The following EPC1 variants were observed in gnomAD, a reference collection of about 807,000 sequenced individuals.
EPC1 encodes the protein enhancer of polycomb 1, also known as enhancer of polycomb homolog 1.
In EPC1, 12 loss-of-function variants were observed where a neutral mutation model predicts 98.4. The observed-to-expected ratio is 0.12, with a 90% CI of 0.08 to 0.20. The LOEUF (loss-of-function observed/expected upper bound fraction) is 0.20. Among genes scored for constraint, EPC1 ranks in the 10% least tolerant of loss-of-function variants. The pLI is 1.00. For synonymous variants in EPC1, 357 were observed against 363.9 expected (o/e 0.98, Z 0.21); for missense variants, 729 against 990.5 (o/e 0.74, Z 3.54).
chr10:32,361,674 G>A (rs979642546), intron 1 of EPC1, among the ~76,000 whole-genome samples: 4 of 152,178 alleles, frequency 2.6e-5, no homozygotes, highest in African/African-American at 7.2e-5. Flanking sequence ...GCTTCAGAGC[G>A]AAACTCTCAC....
upstream of EPC1, among the ~76,000 whole-genome samples, chr10:32,350,319 G>T (rs1201760546): frequency 1.3e-5 from 2 of 152,224 alleles, no homozygotes; most frequent in East Asian, 3.8e-4. Flanking sequence ...TGCCCAAGTG[G>T]CAAGGCAGTA....
At chr10:32,318,639 G>A (rs886639401) in intron 1 of EPC1, among the ~76,000 whole-genome samples, 3 of 152,136 alleles carry the variant, frequency 2.0e-5, no homozygotes, top group African/African-American at 4.8e-5. Flanking sequence ...ACCTACGTCA[G>A]CAAGTTTCAC....
At chr10:32,326,870 C>T (rs1235985619) in intron 1 of EPC1, among the ~76,000 whole-genome samples, 3 of 151,836 alleles carry the variant, frequency 2.0e-5, no homozygotes, top group South Asian at 2.1e-4. Flanking sequence ...CAAGTGAGAA[C>T]GTCTATTAGA....
intron 4 of EPC1, 54 bp from the exon 5 acceptor site, chr10:32,292,698 A>G: frequency 6.6e-7 from 1 of 1,522,866 alleles, no homozygotes; most frequent in Admixed American, 2.1e-5. Flanking sequence ...AACTAGTGGT[A>G]TAGTTATTGA....
intron 1 of EPC1, among the ~76,000 whole-genome samples, chr10:32,360,908 A>AG (rs1554825819): frequency 2.6e-5 from 4 of 151,020 alleles, no homozygotes; most frequent in African/African-American, 9.8e-5. Flanking sequence ...AAAAAAAAAA[A>AG]GTATAGACAA....
chr10:32,305,778 T>G lies in EPC1; in HGVS notation c.307A>C (p.Ile103Leu). The G allele has an allele frequency of 6.3e-7, 1 of 1,599,002 alleles. No homozygotes were observed. The highest frequency in any genetic ancestry group is 8.5e-7 in the Non-Finnish European group (1 of 1,175,274). ...TAAGAGAATCATTACTTACGCTGTA[T>G]GTGAATGAGCTGCTTTGGCATCTTA... Reference protein sequence around the residue: ...EFKMPKQLIHIQPFSLDAEQP... With the variant: ...EFKMPKQLIHLQPFSLDAEQP... The change falls in exon 2 of 14, where the codon ATA becomes CTA. Residue 103 changes from isoleucine (I) to leucine (L), a missense_variant. Coordinates refer to ENST00000319778, the MANE Select transcript of EPC1 (RefSeq NM_001272004.3).
intron 1 of EPC1, among the ~76,000 whole-genome samples, chr10:32,344,340 C>T (rs918500530): frequency 6.6e-6 from 1 of 152,040 alleles, no homozygotes; most frequent in Non-Finnish European, 1.5e-5. Context: ...GAGGTCTATG[C>T]TTCTCTCCTC....
chr10:32,342,906 A>G lies in EPC1; in HGVS notation c.153+3857T>C, dbSNP rs146812968. Among the ~76,000 whole-genome samples the G allele has an allele frequency of 1.4e-4, 21 of 152,368 alleles. 1 individual carries two copies. In the East Asian group the frequency reaches 3.7e-3, roughly 27 times the overall value. ...CAATTTTAATCAAGAGTCAATTTTA[A>G]TAAAAAGATTTGATAGTATTAATCC... On this transcript the variant is annotated intron_variant, in intron 1 of 13. Coordinates refer to ENST00000319778, the MANE Select transcript of EPC1 (RefSeq NM_001272004.3).
In EPC1 at chr10:32,305,886, C is replaced by T; in HGVS notation, c.199G>A (p.Glu67Lys). 1 of 1,611,820 alleles carries T rather than the reference C, an allele frequency of 6.2e-7. No individual in the cohort carries two copies. ...RAISAQQVYG[E>K]KRDNMVIPVP... ...GGTATAACCATATTATCCCTCTTCT[C>T]GCCATACACCTGCTGTGCTGAAATA... Residue 67 changes from glutamate to lysine, a missense_variant, in exon 2 of 14, where the codon GAG becomes AAG. Physicochemically the swap from Glu to Lys is moderately conservative, Grantham distance 56. This residue lies in a region of EPC1 where 46 missense variants were observed against 119.7 expected (regional missense o/e 0.38). Coordinates refer to ENST00000319778, the MANE Select transcript of EPC1 (RefSeq NM_001272004.3).
chr10:32,300,315 T>C (rs1030753795), intron 2 of EPC1, among the ~76,000 whole-genome samples: 13 of 152,124 alleles, frequency 8.5e-5, no homozygotes, highest in Non-Finnish European at 1.9e-4. Flanking sequence ...TACATATGTA[T>C]ACATGTGCCA....
At chr10:32,376,418 C>T (rs1335359344) in intron 1 of EPC1, among the ~76,000 whole-genome samples, 1 of 152,018 alleles carries the variant, frequency 6.6e-6, no homozygotes, top group Non-Finnish European at 1.5e-5. Flanking sequence ...GAACTAAACT[C>T]TCCAGCATAA....
At chr10:32,271,211 G>A (rs1381649127) in intron 13 of EPC1, among the ~76,000 whole-genome samples, 5 of 151,968 alleles carry the variant, frequency 3.3e-5, no homozygotes, top group South Asian at 2.1e-4. Flanking sequence ...GGCTGTTCTC[G>A]AACTCCTGAC....
chr10:32,374,007 C>T (rs545753832), intron 1 of EPC1, among the ~76,000 whole-genome samples: 2 of 152,252 alleles, frequency 1.3e-5, no homozygotes, highest in African/African-American at 4.8e-5. Context: ...AACTTTATTC[C>T]TGAGATCATC....
intron 1 of EPC1, among the ~76,000 whole-genome samples, chr10:32,374,011 G>T (rs1839820684): frequency 6.6e-6 from 1 of 152,050 alleles, no homozygotes; most frequent in African/African-American, 2.4e-5. Flanking sequence ...TTATTCCTGA[G>T]ATCATCTTAA....
rs139249720 is a variant in EPC1, at chr10:32,341,819, A to T, written c.153+4944T>A. 6.6e-3 allele frequency among the ~76,000 whole-genome samples: 1,006 copies of T among 152,228 alleles called. 10 individuals carry two copies. Among genetic ancestry groups the T allele is most frequent in the Non-Finnish European group, 0.011 (764 of 68,012 alleles). ...GCCAAACTGAGATAAAACCAAAATGACTCAGTTTGAAATTTATGGAACAGC... is the reference window on the plus strand; with the variant it reads ...GCCAAACTGAGATAAAACCAAAATGTCTCAGTTTGAAATTTATGGAACAGC... On this transcript the variant is annotated intron_variant, in intron 1 of 13. Transcript: ENST00000319778.
intron 2 of EPC1, among the ~76,000 whole-genome samples, chr10:32,294,764 A>G (rs1232912517): frequency 2.0e-5 from 3 of 152,172 alleles, no homozygotes; most frequent in African/African-American, 7.2e-5. Flanking sequence ...TTTGTCTCAC[A>G]TCTTTCCCTT....
In EPC1 at chr10:32,290,505, A is replaced by AAAAAGAAAGAAAGAAAG. The variant is rs1554819136; in HGVS notation, c.975+657_975+658insCTTTCTTTCTTTCTTTT. ...TGTCAAAAAAAAAAAAAAAAAAAAA[A>AAAAAGAAAGAAAGAAAG]AAAGAAAGAAAGAAAAACTCATCTG... is the stretch of plus-strand genomic sequence containing the variant. On this transcript the variant is annotated intron_variant, in intron 6 of 13. Coordinates refer to ENST00000319778, the MANE Select transcript of EPC1 (RefSeq NM_001272004.3). 3.2e-4 allele frequency among the ~76,000 whole-genome samples: 25 copies of AAAAAGAAAGAAAGAAAG among 77,524 alleles called. No homozygotes were observed. The East Asian group carries it at 7.0e-3, about 22-fold the overall frequency. The allele number at this position is 77,524 out of a possible 152,430, so 50.9% of individuals were successfully genotyped here.
At chr10:32,299,444 C>T (rs956774482) in intron 2 of EPC1, among the ~76,000 whole-genome samples, 1 of 152,100 alleles carries the variant, frequency 6.6e-6, no homozygotes, top group African/African-American at 2.4e-5. Flanking sequence ...CCTTGGCCTC[C>T]CAAAGTGCTG....
In EPC1 at chr10:32,294,478, G is replaced by T. The variant is rs986808726; in HGVS notation, c.314-741C>A. Among the ~76,000 whole-genome samples the T allele has an allele frequency of 2.6e-5, 4 of 152,316 alleles. No homozygotes were observed. The South Asian group carries it at 6.2e-4, about 24-fold the overall frequency. The stretch of plus-strand genomic sequence containing the variant: ...GTGACCCATCATCACATGAGGGCAG[G>T]TGTATAATTTTCCACACGTGGAATC... On this transcript the variant is annotated intron_variant, in intron 2 of 13. Coordinates refer to ENST00000319778, the MANE Select transcript of EPC1 (RefSeq NM_001272004.3).
Sources: gnomAD v4.1 joint callset for allele counts (sites outside exome capture counted in the v4.1 genomes callset) on GRCh38, gnomAD v4.1.1 for gene constraint, gnomAD v4.1.1 regional missense constraint, MANE v1.5 for transcripts, NCBI Gene and HGNC (gene_info 2026-07-23, HGNC 2026-07-21) for gene names.